The following FHOD3 variants were observed in gnomAD, a reference collection of about 807,000 sequenced individuals.
The protein encoded by FHOD3 is FH1/FH2 domain-containing protein 3.
FHOD3 carries 90 observed loss-of-function variants against 173.0 expected under a neutral mutation model. That is an observed-to-expected ratio of 0.52 (90% CI 0.44 to 0.62). The LOEUF is 0.62. Among genes scored for constraint, FHOD3 ranks in the 20% least tolerant of loss-of-function variants. FHOD3 has a pLI of 0.00. For missense variants in FHOD3, 1,945 were observed against 2,034.7 expected (o/e 0.96, Z 0.85); for synonymous variants, 828 against 823.0 (o/e 1.01, Z -0.10).
In FHOD3 at chr18:36,587,623, G is replaced by A. The variant is rs533467253; in HGVS notation, c.607-7164G>A. Among the ~76,000 whole-genome samples the A allele has an allele frequency of 4.6e-5, 7 of 152,142 alleles. No homozygotes were observed. The East Asian group carries it at 1.4e-3, about 29-fold the overall frequency. ...CCTGACCAATATGGAGAAACCCCAT[G>A]TCTACTAAAAATACAAAATTAGCTG... On this transcript the variant is annotated intron_variant, in intron 6 of 28. Transcript: ENST00000590592.
At chr18:36,464,276 G>A (rs1264915583) in intron 3 of FHOD3, among the ~76,000 whole-genome samples, 2 of 152,246 alleles carry the variant, frequency 1.3e-5, no homozygotes. Flanking sequence ...CAAAGGACAA[G>A]TCAGTTAGAG....
Position 36,693,028 on chromosome 18 carries a change from T to C in FHOD3, c.2022-181T>C. The C allele has an allele frequency of 9.5e-6, 6 of 629,496 alleles. No homozygotes were observed. The South Asian group carries it at 9.9e-5, about 10-fold the overall frequency. 39.0% of individuals were successfully genotyped at this position (629,496 alleles called of 1,614,324 possible). ...GCTTGGTTATGAGTGACGTGGGATT[T>C]TTAATCATTAGCATCTTGGCTTTGC... On this transcript the variant is annotated intron_variant, in intron 16 of 28. Coordinates refer to ENST00000590592, the MANE Select transcript of FHOD3 (RefSeq NM_001281740.3).
intron 3 of FHOD3, among the ~76,000 whole-genome samples, chr18:36,429,556 G>A (rs1352540947): frequency 2.6e-5 from 4 of 152,190 alleles, no homozygotes; most frequent in African/African-American, 9.6e-5. Context: ...TTTGCCATGG[G>A]AGAAGAGAAC....
rs1258565011 is a variant in FHOD3, at chr18:36,648,575, G to A, written c.1197-741G>A. 2.6e-5 allele frequency among the ~76,000 whole-genome samples: 4 copies of A among 152,202 alleles called. No homozygotes were observed. The South Asian group carries it at 8.3e-4, about 32-fold the overall frequency. On this transcript the variant is annotated intron_variant, in intron 10 of 28. Transcript: ENST00000590592. ...GCTGGATACAGGCATTAAAATGGTC[G>A]GGGGGACTGCTTTCCTCTCCTTTTC...
At chr18:36,667,629 A>G (rs2037266028) in intron 14 of FHOD3, among the ~76,000 whole-genome samples, 1 of 152,174 alleles carries the variant, frequency 6.6e-6, no homozygotes, top group African/African-American at 2.4e-5. Context: ...GTAAAAATAC[A>G]GTATTAAAGA....
intron 4 of FHOD3, among the ~76,000 whole-genome samples, chr18:36,505,076 G>A (rs2146136922): frequency 6.6e-6 from 1 of 152,310 alleles, no homozygotes; most frequent in African/African-American, 2.4e-5. Context: ...TGGCATGTGT[G>A]CAGGCTGGAT....
At position 36,304,602 on chromosome 18, in the gene FHOD3, T is replaced by G. The variant is rs112311024; in HGVS notation, c.165+6602T>G. On this transcript the variant is annotated intron_variant, in intron 1 of 28. Coordinates refer to ENST00000590592, the MANE Select transcript of FHOD3 (RefSeq NM_001281740.3). ...ATGATACTTTTCTTCCCACCCTGAT[T>G]GTTGTGTTCTCCTTAGAATCTTAGA... is the stretch of plus-strand genomic sequence containing the variant. Among the ~76,000 whole-genome samples the G allele has an allele frequency of 1.2e-3, 184 of 152,290 alleles. 1 individual carries two copies. The highest frequency in any genetic ancestry group is 4.2e-3 in the African/African-American group (175 of 41,570).
chr18:36,652,785 C>T lies in FHOD3; in HGVS notation c.1502C>T (p.Ala501Val). ...GCCTCAGCTGCTCGGCCCTCCTCCG[C>T]CACACCAGGCTCCCTGAAGGTGTCA... ...PPASAARPSS[A>V]TPGSLKVSPT... The change falls in exon 12 of 29, where the codon GCC becomes GTC. Residue 501 changes from alanine to valine, a missense_variant. By Grantham distance (64) the Ala-to-Val change is moderately conservative (BLOSUM62 0). Transcript: ENST00000590592. 3 of 1,536,020 alleles carry T rather than the reference C, an allele frequency of 2.0e-6. No homozygotes were observed. Among genetic ancestry groups the T allele is most frequent in the Non-Finnish European group, 2.6e-6 (3 of 1,146,734 alleles).
rs191387688 is a variant in FHOD3 at position 36,337,832 on chromosome 18, C to T, written c.166-17707C>T. ...AGGCATCACTGCTGAACAGGACTCC[C>T]GTAATCTGCATCTCAGGCATCTCAC... On this transcript the variant is annotated intron_variant, in intron 1 of 28. Transcript: ENST00000590592. Among the ~76,000 whole-genome samples the T allele has an allele frequency of 3.0e-4, 46 of 152,242 alleles. No homozygotes were observed. The East Asian group carries it at 6.6e-3, about 22-fold the overall frequency.
intron 5 of FHOD3, among the ~76,000 whole-genome samples, chr18:36,550,962 T>C (rs2057627769): frequency 6.6e-6 from 1 of 152,180 alleles, no homozygotes; most frequent in Non-Finnish European, 1.5e-5. Context: ...TGAATAGAAG[T>C]GATAAGAGTA....
chr18:36,682,133 C>T (rs1447972444), intron 15 of FHOD3, among the ~76,000 whole-genome samples: 3 of 152,166 alleles, frequency 2.0e-5, no homozygotes, highest in Non-Finnish European at 4.4e-5. Flanking sequence ...ATTCCAGGTT[C>T]CATATCTTGG....
intron 1 of FHOD3, among the ~76,000 whole-genome samples, chr18:36,320,599 T>C (rs1052269694): frequency 1.3e-5 from 2 of 152,086 alleles, no homozygotes; most frequent in African/African-American, 2.4e-5. Flanking sequence ...TTCCAAGCAA[T>C]AGAAAAAGAG....
chr18:36,468,419 G>C (rs545407673), intron 3 of FHOD3, among the ~76,000 whole-genome samples: 1 of 152,294 alleles, frequency 6.6e-6, no homozygotes, highest in South Asian at 2.1e-4. Context: ...AGAAAGAAGA[G>C]GGTGATAAGA....
At chr18:36,676,899 C>T (rs1373036993) in intron 14 of FHOD3, among the ~76,000 whole-genome samples, 1 of 152,150 alleles carries the variant, frequency 6.6e-6, no homozygotes, top group Non-Finnish European at 1.5e-5. Context: ...ACAATGTATA[C>T]TAATCCTTTG....
chr18:36,485,204 G>A (rs1178080994), intron 3 of FHOD3, among the ~76,000 whole-genome samples: 1 of 152,130 alleles, frequency 6.6e-6, no homozygotes, highest in Non-Finnish European at 1.5e-5. Flanking sequence ...TCAGAGGTTG[G>A]TTCACATTCT....
intron 13 of FHOD3, among the ~76,000 whole-genome samples, chr18:36,653,919 C>A (rs1234108929): frequency 6.6e-6 from 1 of 152,192 alleles, no homozygotes; most frequent in Admixed American, 6.5e-5. Context: ...CAAGCATTTA[C>A]TACACTGAGG....
chr18:36,557,476 C>T (rs2057933752), intron 5 of FHOD3, among the ~76,000 whole-genome samples: 1 of 152,128 alleles, frequency 6.6e-6, no homozygotes, highest in Non-Finnish European at 1.5e-5. Flanking sequence ...GTGGTTTCAT[C>T]TAAAAGTTCA....
intron 5 of FHOD3, among the ~76,000 whole-genome samples, chr18:36,552,100 T>G (rs2057681358): frequency 6.6e-6 from 1 of 152,246 alleles, no homozygotes; most frequent in Non-Finnish European, 1.5e-5. Context: ...TATGGCCATT[T>G]TCACAATATT....
chr18:36,599,077 C>T (rs1017646093), intron 7 of FHOD3, among the ~76,000 whole-genome samples: 1 of 152,208 alleles, frequency 6.6e-6, no homozygotes, highest in Non-Finnish European at 1.5e-5. Flanking sequence ...GAGAGCCTTG[C>T]TTTGTCATTT....
Sources: allele counts gnomAD v4.1 joint callset (sites outside exome capture counted in the v4.1 genomes callset), GRCh38; gene constraint gnomAD v4.1.1; transcripts MANE v1.5; gene names NCBI Gene and HGNC (gene_info 2026-07-23, HGNC 2026-07-21).